Variants in JAKMIP1 observed in about 807,000 individuals in gnomAD.
JAKMIP1 encodes the protein janus kinase and microtubule-interacting protein 1.
JAKMIP1 carries 33 observed loss-of-function variants against 113.0 expected under a neutral mutation model. The observed-to-expected ratio is 0.29, with a 90% CI of 0.22 to 0.39. The LOEUF (loss-of-function observed/expected upper bound fraction) is 0.39. JAKMIP1 is among the 10% of genes least tolerant of loss of function. The pLI is 1.00. For synonymous variants in JAKMIP1, 480 were observed against 459.9 expected (o/e 1.04, Z -0.56); for missense variants, 813 against 1,080.5 (o/e 0.75, Z 3.47).
rs1366770869 is a variant in JAKMIP1, at chr4:6,122,494, T to C, written c.-147-9497A>G. On this transcript the variant is annotated intron_variant, in intron 1 of 20. Coordinates refer to ENST00000409021, the MANE Select transcript of JAKMIP1 (RefSeq NM_001099433.2). The stretch of plus-strand genomic sequence containing the variant: ...AAGACGCTGCATTGCATATTTAGCA[T>C]GAAATCACAAAAGATTCTTGTCTTT... 2.6e-5 allele frequency among the ~76,000 whole-genome samples: 4 copies of C among 152,220 alleles called. 1 individual carries two copies. Among genetic ancestry groups the C allele is most frequent in the African/African-American group, 9.6e-5 (4 of 41,458 alleles).
At chr4:6,174,371 T>C (rs149060332) in intron 1 of JAKMIP1, among the ~76,000 whole-genome samples, 1 of 152,170 alleles carries the variant, frequency 6.6e-6, no homozygotes, top group East Asian at 1.9e-4. Context: ...AGGTGTGACA[T>C]ATGATAAGGG....
chr4:6,053,048 G>T (rs941813012), intron 13 of JAKMIP1, among the ~76,000 whole-genome samples: 1 of 152,214 alleles, frequency 6.6e-6, no homozygotes, highest in African/African-American at 2.4e-5. Context: ...CACTTTGAGG[G>T]TTTCACGCAT....
intron 1 of JAKMIP1, among the ~76,000 whole-genome samples, chr4:6,123,532 A>G (rs1716990084): frequency 6.6e-6 from 1 of 152,252 alleles, no homozygotes; most frequent in Non-Finnish European, 1.5e-5. Flanking sequence ...AAAAAGAAGA[A>G]GCCTCAGGCT....
rs986469026 is a variant in JAKMIP1, at chr4:6,192,327, C to T, written c.-148+7926G>A. Among the ~76,000 whole-genome samples, 1 of 152,166 alleles carries T rather than the reference C, an allele frequency of 6.6e-6. No individual in the cohort carries two copies. The highest frequency in any genetic ancestry group is 1.5e-5 in the Non-Finnish European group (1 of 68,048). ...CCGGCGAGTGGCTACTGGAATGGGA[C>T]AGCTCAGCTCCAGGAGGTCCCCTGG... On this transcript the variant is annotated intron_variant, in intron 1 of 20. Transcript: ENST00000409021. The surrounding 1 kb of genome is among the most constrained non-coding windows in gnomAD (Gnocchi z 5.0).
intron 3 of JAKMIP1, among the ~76,000 whole-genome samples, chr4:6,090,853 CCATGATGCCCTTAG>C (rs1315604172): frequency 1.3e-5 from 2 of 151,022 alleles, no homozygotes; most frequent in Non-Finnish European, 2.9e-5. Flanking sequence ...CCCATGTTAA[CCATGATGCCCTTAG>C]AGTGTCAAAA....
chr4:6,096,349 TA>T (rs1711764454), intron 3 of JAKMIP1, among the ~76,000 whole-genome samples: 2 of 152,250 alleles, frequency 1.3e-5, no homozygotes, highest in Admixed American at 1.3e-4. Context: ...CTTGACTAAT[TA>T]TAAATTCCCA....
chr4:6,130,248 T>G (rs1718311429), intron 1 of JAKMIP1, among the ~76,000 whole-genome samples: 1 of 152,242 alleles, frequency 6.6e-6, no homozygotes, highest in South Asian at 2.1e-4. Flanking sequence ...ATCAAACTTT[T>G]AGTTTCTGGT....
In JAKMIP1 at chr4:6,136,902, T is replaced by C. The variant is rs1471151692; in HGVS notation, c.-147-23905A>G. 6.6e-6 allele frequency among the ~76,000 whole-genome samples: 1 copy of C among 152,150 alleles called. No individual in the cohort carries two copies. The highest frequency in any genetic ancestry group is 1.5e-5 in the Non-Finnish European group (1 of 68,028). On this transcript the variant is annotated intron_variant, in intron 1 of 20. Transcript: ENST00000409021. This position sits in a 1 kb window ranked among gnomAD's most constrained non-coding sequence, Gnocchi z 5.9. Reference sequence around the variant, plus strand: ...CATTTAGACACAGTTGCGTTGAAGTTTGGCAAGCGCATGGGATTCCACTGA... The same window carrying C: ...CATTTAGACACAGTTGCGTTGAAGTCTGGCAAGCGCATGGGATTCCACTGA...
chr4:6,141,220 G>C lies in JAKMIP1; in HGVS notation c.-147-28223C>G, dbSNP rs1720102568. ...GGATGCTGAGGCAGGCAGATCACTT[G>C]AGCCCAGGAATTCGAGACCAGCCTG... On this transcript the variant is annotated intron_variant, in intron 1 of 20. Transcript: ENST00000409021. The surrounding 1 kb of genome is among the most constrained non-coding windows in gnomAD (Gnocchi z 9.4). Among the ~76,000 whole-genome samples the C allele has an allele frequency of 6.6e-6, 1 of 152,184 alleles. No homozygotes were observed. The highest frequency in any genetic ancestry group is 6.5e-5 in the Admixed American group (1 of 15,286).
rs942269340 is a variant in JAKMIP1, at chr4:6,108,384, G to A, written c.130-2417C>T. Among the ~76,000 whole-genome samples the A allele has an allele frequency of 3.9e-5, 6 of 152,112 alleles. No individual in the cohort carries two copies. Among genetic ancestry groups the A allele is most frequent in the South Asian group, 2.1e-4 (1 of 4,822 alleles). ...AAGTGTAGAGGCACCTACACCAGCC[G>A]CTCCTCAGCACTTGGACTCTAAATG... On this transcript the variant is annotated intron_variant, in intron 2 of 20. Coordinates refer to ENST00000409021, the MANE Select transcript of JAKMIP1 (RefSeq NM_001099433.2). The surrounding 1 kb of genome is among the most constrained non-coding windows in gnomAD (Gnocchi z 5.6).
In JAKMIP1 at chr4:6,044,759, A is replaced by T. The variant is rs1286583919; in HGVS notation, c.2029-2532T>A. The stretch of plus-strand genomic sequence containing the variant: ...GCATATAAAAAATAAATTCAACAAG[A>T]CCTTTTAGCAACGGGGAGAGAACAT... On this transcript the variant is annotated intron_variant, in intron 16 of 20. Coordinates refer to ENST00000409021, the MANE Select transcript of JAKMIP1 (RefSeq NM_001099433.2). This position sits in a 1 kb window ranked among gnomAD's most constrained non-coding sequence, Gnocchi z 4.4. 6.6e-6 allele frequency among the ~76,000 whole-genome samples: 1 copy of T among 152,164 alleles called. No homozygotes were observed. The highest frequency in any genetic ancestry group is 1.5e-5 in the Non-Finnish European group (1 of 68,028).
chr4:6,166,382 C>T (rs952601505), intron 1 of JAKMIP1, among the ~76,000 whole-genome samples: 1 of 152,176 alleles, frequency 6.6e-6, no homozygotes, highest in African/African-American at 2.4e-5. Flanking sequence ...GTGGCCCAGG[C>T]CACTTCCTGG....
rs71646639 is a variant in JAKMIP1 at position 6,132,647 on chromosome 4, T to TAAAA, written c.-147-19654_-147-19651dup. Among the ~76,000 whole-genome samples the TAAAA allele has an allele frequency of 2.0e-3, 232 of 118,000 alleles. 3 individuals are homozygous for TAAAA. The highest frequency in any genetic ancestry group is 0.015 in the South Asian group (51 of 3,364). 77.4% of individuals were successfully genotyped at this position (118,000 alleles called of 152,430 possible). ...ACAGAGCCAGACATTGCCTCAAAAATAAAAAAAAAAAAAAAGAAAGCAGAA... is the reference window on the plus strand; with the variant it reads ...ACAGAGCCAGACATTGCCTCAAAAATAAAAAAAAAAAAAAAAAAAGAAAGCAGAA... On this transcript the variant is annotated intron_variant, in intron 1 of 20. Transcript: ENST00000409021.
intron 1 of JAKMIP1, among the ~76,000 whole-genome samples, chr4:6,177,365 C>T (rs1725469387): frequency 6.6e-6 from 1 of 152,172 alleles, no homozygotes; most frequent in Admixed American, 6.5e-5. Context: ...AGCCCCTTTA[C>T]TCCCAGTCCT....
intron 8 of JAKMIP1, 121 bp downstream of exon 8, chr4:6,078,818 G>A: frequency 2.4e-6 from 2 of 841,418 alleles, no homozygotes; most frequent in South Asian, 1.5e-5. Flanking sequence ...CATCAGGCAT[G>A]CAGAGATGTG....
intron 12 of JAKMIP1, 149 bp downstream of exon 12, chr4:6,056,548 C>T (rs1054359718): frequency 1.5e-5 from 10 of 656,996 alleles, no homozygotes; most frequent in Admixed American, 1.4e-4. Context: ...GTGAGGAAGA[C>T]ATCTCTCCTC....
rs1714707768 is a variant in JAKMIP1 at position 6,044,227 on chromosome 4, C to G, written c.2029-2000G>C. The stretch of plus-strand genomic sequence containing the variant: ...TTTCACCCCTCACCCCGCTGCCCCC[C>G]TTGAAGGTGGGGACCACATTTGCCT... On this transcript the variant is annotated intron_variant, in intron 16 of 20. Coordinates refer to ENST00000409021, the MANE Select transcript of JAKMIP1 (RefSeq NM_001099433.2). The surrounding 1 kb of genome is among the most constrained non-coding windows in gnomAD (Gnocchi z 4.4). Among the ~76,000 whole-genome samples, 1 of 152,074 alleles carries G rather than the reference C, an allele frequency of 6.6e-6. No homozygotes were observed.
chr4:6,065,735 T>C lies in JAKMIP1; in HGVS notation c.1303-727A>G, dbSNP rs1326692299. Reference sequence around the variant, plus strand: ...TTGTAAGGCTCTATGTGACGGCCTCTGAGTTGCCCTGCTGGCACTTCTCCC... The same window carrying C: ...TTGTAAGGCTCTATGTGACGGCCTCCGAGTTGCCCTGCTGGCACTTCTCCC... On this transcript the variant is annotated intron_variant, in intron 8 of 20. Coordinates refer to ENST00000409021, the MANE Select transcript of JAKMIP1 (RefSeq NM_001099433.2). The surrounding 1 kb of genome is among the most constrained non-coding windows in gnomAD (Gnocchi z 5.1). Among the ~76,000 whole-genome samples the C allele has an allele frequency of 3.3e-5, 5 of 152,248 alleles. No individual in the cohort carries two copies. Among genetic ancestry groups the C allele is most frequent in the Admixed American group, 1.3e-4 (2 of 15,288 alleles).
In JAKMIP1 at chr4:6,049,735, A is replaced by C; in HGVS notation, c.1962+84T>G. The C allele has an allele frequency of 9.7e-7, 1 of 1,034,142 alleles. No individual in the cohort carries two copies. The highest frequency in any genetic ancestry group is 2.0e-5 in the Admixed American group (1 of 50,412). The allele number at this position is 1,034,142 out of a possible 1,614,324, so 64.1% of individuals were successfully genotyped here. On this transcript the variant is annotated intron_variant, in intron 15 of 20. Coordinates refer to ENST00000409021, the MANE Select transcript of JAKMIP1 (RefSeq NM_001099433.2). The surrounding 1 kb of genome is among the most constrained non-coding windows in gnomAD (Gnocchi z 7.0). ...GATCTCTTACATCAGAGAGAAATTA[A>C]AAACAAAACAAAACAAAAGTCACAC...
Sources: allele counts gnomAD v4.1 joint callset (sites outside exome capture counted in the v4.1 genomes callset), GRCh38; gene constraint gnomAD v4.1.1; non-coding constraint Gnocchi (gnomAD v3.1); transcripts MANE v1.5; gene names NCBI Gene and HGNC (gene_info 2026-07-23, HGNC 2026-07-21).